RB1CC1: variants seen among roughly 807,000 people sequenced by gnomAD.
RB1CC1 encodes the protein RB1-inducible coiled-coil protein 1.
In RB1CC1, 46 loss-of-function variants were observed where a neutral mutation model predicts 177.5. The observed-to-expected ratio is 0.26, with a 90% CI of 0.20 to 0.33. The LOEUF (loss-of-function observed/expected upper bound fraction) is 0.33. RB1CC1 is among the 10% of genes least tolerant of loss of function. The probability of loss-of-function intolerance (pLI) is 1.00; values close to 1 mark genes in which losing one functional copy is unlikely to be tolerated. For synonymous variants in RB1CC1, 666 were observed against 613.6 expected (o/e 1.09, Z -1.26); for missense variants, 1,703 against 1,816.3 (o/e 0.94, Z 1.13).
Position 52,657,103 on chromosome 8 carries a change from T to C in RB1CC1, c.2726A>G (p.Lys909Arg), listed in dbSNP as rs750164463. 3.7e-6 allele frequency: 6 copies of C among 1,610,932 alleles called. No individual in the cohort carries two copies. Among genetic ancestry groups the C allele is most frequent in the Non-Finnish European group, 5.1e-6 (6 of 1,179,084 alleles). The change falls in exon 15 of 24, where the codon AAA becomes AGA. Residue 909 changes from lysine (K) to arginine (R), a missense_variant. By Grantham distance (26) the Lys-to-Arg change is conservative (BLOSUM62 2). Transcript: ENST00000025008. ...LVCLEEVLQN[K>R]DNEFALVKHE... ...TTTAACCAAAGCAAATTCATTATCT[T>C]TATTTTGTAAAACCTCCTCAAGGCA... is the stretch of plus-strand genomic sequence containing the variant.
chr8:52,659,513 C>T (rs184652109), intron 12 of RB1CC1, among the ~76,000 whole-genome samples: 1 of 151,646 alleles, frequency 6.6e-6, no homozygotes, highest in African/African-American at 2.4e-5. Context: ...TATAAAATTG[C>T]CAAGAGTTGC....
intron 15 of RB1CC1, among the ~76,000 whole-genome samples, chr8:52,650,729 A>G (rs921213850): frequency 6.6e-6 from 1 of 152,214 alleles, no homozygotes; most frequent in African/African-American, 2.4e-5. Flanking sequence ...AGTGCAAAAT[A>G]GAACACTGGA....
intron 18 of RB1CC1, among the ~76,000 whole-genome samples, chr8:52,636,960 T>A (rs1479707903): frequency 6.6e-6 from 1 of 152,226 alleles, no homozygotes; most frequent in African/African-American, 2.4e-5. Flanking sequence ...ACAGTCAGGC[T>A]AGCACTACAG....
intron 8 of RB1CC1, among the ~76,000 whole-genome samples, chr8:52,666,054 T>A (rs1404594201): frequency 1.3e-5 from 2 of 152,062 alleles, no homozygotes; most frequent in African/African-American, 4.8e-5. Context: ...TCTCTGAAAC[T>A]GAACTAAAGT....
At chr8:52,702,730 A>G (rs1856193541) in intron 1 of RB1CC1, among the ~76,000 whole-genome samples, 1 of 152,148 alleles carries the variant, frequency 6.6e-6, no homozygotes, top group Non-Finnish European at 1.5e-5. Context: ...AAAGAAGAAG[A>G]AAAAAATGTA....
At chr8:52,662,831 T>C (rs1048425000) in intron 8 of RB1CC1, among the ~76,000 whole-genome samples, 2 of 151,938 alleles carry the variant, frequency 1.3e-5, no homozygotes, top group Admixed American at 6.6e-5. Flanking sequence ...ACTGCAACTA[T>C]AATTTTTCTA....
In RB1CC1 at chr8:52,623,243, T is replaced by C. The variant is rs1256073189; in HGVS notation, c.*539A>G. The C allele has an allele frequency of 6.5e-6, 1 of 154,794 alleles. No homozygotes were observed. Among genetic ancestry groups the C allele is most frequent in the East Asian group, 1.9e-4 (1 of 5,262 alleles). The allele number at this position is 154,794 out of a possible 1,614,324, so 9.6% of individuals were successfully genotyped here. On this transcript the variant is annotated 3_prime_UTR_variant, in exon 24 of 24. Transcript: ENST00000025008. ...AACATCAAAGGGCATTTAAAAAAACTGAAACAATTTGCTTTAGTATCTACT... is the reference window on the plus strand; with the variant it reads ...AACATCAAAGGGCATTTAAAAAAACCGAAACAATTTGCTTTAGTATCTACT...
intron 18 of RB1CC1, among the ~76,000 whole-genome samples, chr8:52,640,277 T>C (rs1340881921): frequency 2.0e-5 from 3 of 151,720 alleles, no homozygotes; most frequent in Non-Finnish European, 4.4e-5. Context: ...TGAGGAGAGG[T>C]TGGTCAACGG....
chr8:52,669,588 T>A (rs1299092143), intron 7 of RB1CC1, among the ~76,000 whole-genome samples: 1 of 152,218 alleles, frequency 6.6e-6, no homozygotes, highest in East Asian at 1.9e-4. Flanking sequence ...AACCATTATT[T>A]CAGAATAGGC....
At chr8:52,674,770 C>CAA (rs779344001) in intron 6 of RB1CC1, among the ~76,000 whole-genome samples, 29 of 59,792 alleles carry the variant, frequency 4.9e-4, no homozygotes, top group East Asian at 3.1e-3. Flanking sequence ...GGCTCCGTCT[C>CAA]AAAAAAAAAA....
chr8:52,674,066 A>C lies in RB1CC1; in HGVS notation c.781T>G (p.Ser261Ala). ...NESLLTSFPKSVEHVSPDTAD... is the reference protein window; with the variant it reads ...NESLLTSFPKAVEHVSPDTAD... ...GTATCTGGGGACACATGTTCCACTG[A>C]CTTGGGAAATGAGGTTAACAAAGAT... Residue 261 changes from serine (S) to alanine (A), a missense_variant, in exon 7 of 24, where the codon TCA (serine) becomes GCA (alanine). Ser to Ala is a moderately conservative substitution (Grantham distance 99). Coordinates refer to ENST00000025008, the MANE Select transcript of RB1CC1 (RefSeq NM_014781.5). The C allele has an allele frequency of 1.2e-6, 2 of 1,614,156 alleles. No homozygotes were observed. Among genetic ancestry groups the C allele is most frequent in the Non-Finnish European group, 1.7e-6 (2 of 1,180,012 alleles).
chr8:52,644,654 T>G (rs911599431), intron 16 of RB1CC1, among the ~76,000 whole-genome samples: 3 of 152,152 alleles, frequency 2.0e-5, no homozygotes, highest in Admixed American at 2.0e-4. Flanking sequence ...GGTTGTGCTT[T>G]TCTCATTCCC....
chr8:52,638,000 G>A (rs914674744), intron 18 of RB1CC1, among the ~76,000 whole-genome samples: 6 of 152,042 alleles, frequency 3.9e-5, no homozygotes, highest in Non-Finnish European at 8.8e-5. Context: ...TCTTGCCTAA[G>A]TGCCCGTGAT....
At chr8:52,711,684 G>T (rs1347010554) in intron 1 of RB1CC1, among the ~76,000 whole-genome samples, 1 of 152,230 alleles carries the variant, frequency 6.6e-6, no homozygotes, top group Non-Finnish European at 1.5e-5. Context: ...GGGTTTACTT[G>T]AATTCATCTG....
At position 52,708,471 on chromosome 8, in the gene RB1CC1, C is replaced by T. The variant is rs549785494; in HGVS notation, c.-167+5604G>A. On this transcript the variant is annotated intron_variant, in intron 1 of 23. Coordinates refer to ENST00000025008, the MANE Select transcript of RB1CC1 (RefSeq NM_014781.5). ...GGCGGAGCTTGCAGTAAGTTGAGAT[C>T]ACACCACTGCACTCCAGCCTGGGCA... Among the ~76,000 whole-genome samples the T allele has an allele frequency of 2.6e-5, 4 of 152,260 alleles. No homozygotes were observed. In the East Asian group the frequency reaches 7.7e-4, roughly 29 times the overall value.
rs1281814889 is a variant in RB1CC1 at position 52,714,382 on chromosome 8, G to A, written c.-474C>T. ...CTGGGGGATTCTGAGGCAACGCCGA[G>A]GGCTCGGCAGGGCCGCGGACACCGC... On this transcript the variant is annotated 5_prime_UTR_variant, in exon 1 of 24. Transcript: ENST00000025008. The A allele has an allele frequency of 2.6e-5, 4 of 152,778 alleles. No individual in the cohort carries two copies. Among genetic ancestry groups the A allele is most frequent in the Non-Finnish European group, 5.9e-5 (4 of 68,224 alleles). 9.5% of individuals were successfully genotyped at this position (152,778 alleles called of 1,614,324 possible). A position where few individuals can be genotyped will look rare whatever the true frequency, so the allele number is the denominator to read the frequency against.
At chr8:52,629,459 G>GC (rs1225404970) in intron 21 of RB1CC1, among the ~76,000 whole-genome samples, 4 of 151,876 alleles carry the variant, frequency 2.6e-5, no homozygotes, top group Admixed American at 6.6e-5. Context: ...AAAATTTGAA[G>GC]CCCCCCCAAC....
intron 1 of RB1CC1, among the ~76,000 whole-genome samples, chr8:52,705,639 A>T (rs897789411): frequency 3.9e-5 from 6 of 152,222 alleles, no homozygotes; most frequent in Non-Finnish European, 5.9e-5. Context: ...GATTTTCATT[A>T]TACCATCACT....
At chr8:52,687,105 T>C (rs1854339226) in intron 1 of RB1CC1, 138 bp from the exon 2 acceptor site, 1 of 354,038 alleles carries the variant, frequency 2.8e-6, no homozygotes, top group Non-Finnish European at 5.5e-6. Context: ...ACATTCACTA[T>C]AATAACAACC....
Sources: gnomAD v4.1 joint callset for allele counts (sites outside exome capture counted in the v4.1 genomes callset) on GRCh38, gnomAD v4.1.1 for gene constraint, MANE v1.5 for transcripts, NCBI Gene and HGNC (gene_info 2026-07-23, HGNC 2026-07-21) for gene names.